The following STK24 variants were observed in gnomAD, a reference collection of about 807,000 sequenced individuals.
The protein encoded by STK24 is serine/threonine-protein kinase 24.
A neutral mutation model predicts 55.6 loss-of-function variants in STK24; 21 were observed. That is an observed-to-expected ratio of 0.38 (90% CI 0.27 to 0.54). The LOEUF is 0.54. STK24 is among the 20% of genes least tolerant of loss of function. STK24 has a pLI of 0.79. For synonymous variants in STK24, 200 were observed against 215.2 expected, an observed-to-expected ratio of 0.93 and a Z score of 0.62; for missense variants, 383 against 538.4, an observed-to-expected ratio of 0.71 and a Z score of 2.86.
Position 98,448,670 on chromosome 13 carries a change from T to TA in STK24, c.*4502dup, listed in dbSNP as rs765399186. ...AAGACAGGGCAAGTGTTTTTCTTCC[T>TA]AAAAAAAGTTCTTTCTTTTATTATT... On this transcript the variant is annotated 3_prime_UTR_variant, in exon 11 of 11. Coordinates refer to ENST00000539966, the MANE Select transcript of STK24 (RefSeq NM_001032296.4). The TA allele has an allele frequency of 1.0e-5, 2 of 191,108 alleles. No homozygotes were observed. The highest frequency in any genetic ancestry group is 1.3e-4 in the East Asian group (1 of 7,592). 11.8% of individuals were successfully genotyped at this position (191,108 alleles called of 1,614,324 possible). A position where few individuals can be genotyped will look rare whatever the true frequency, so the allele number is the denominator to read the frequency against.
chr13:98,539,337 A>C (rs1027258696), intron 1 of STK24, among the ~76,000 whole-genome samples: 1 of 152,136 alleles, frequency 6.6e-6, no homozygotes, highest in African/African-American at 2.4e-5. Flanking sequence ...TTGGCACCAT[A>C]ATCTGTCGTC....
chr13:98,542,943 A>C, intron 1 of STK24: 1 of 985,402 alleles, frequency 1.0e-6, no homozygotes, highest in South Asian at 4.7e-5. Flanking sequence ...TGTGGAGACG[A>C]TGGGACGGAG....
chr13:98,533,711 C>T (rs1304127850), intron 1 of STK24, among the ~76,000 whole-genome samples: 1 of 152,028 alleles, frequency 6.6e-6, no homozygotes, highest in Non-Finnish European at 1.5e-5. Context: ...ATGAGAAAAA[C>T]ACTACTATAC....
intron 1 of STK24, chr13:98,543,052 G>T: frequency 2.0e-6 from 2 of 985,280 alleles, no homozygotes; most frequent in Non-Finnish European, 2.4e-6. Flanking sequence ...GGGCTTACAG[G>T]TGCCAGCAAA....
At chr13:98,498,892 CTCTGTCTCCAGATTT>C (rs1266109142) in intron 2 of STK24, among the ~76,000 whole-genome samples, 2 of 152,218 alleles carry the variant, frequency 1.3e-5, no homozygotes, top group East Asian at 1.9e-4. Context: ...GTTCTGGTAA[CTCTGTCTCCAGATTT>C]TCTGTCTCCA....
Position 98,453,127 on chromosome 13 carries a change from G to T in STK24, c.*46C>A. 1 of 1,607,438 alleles carries T rather than the reference G, an allele frequency of 6.2e-7. No individual in the cohort carries two copies. The highest frequency in any genetic ancestry group is 8.5e-7 in the Non-Finnish European group (1 of 1,175,218). ...TTGACTTTTAAAAAAGGAGGAGGAT[G>T]AAGAAGGAAAAAAGGAAAAACAAAA... is the stretch of plus-strand genomic sequence containing the variant. On this transcript the variant is annotated 3_prime_UTR_variant, in exon 11 of 11. Transcript: ENST00000539966.
chr13:98,528,254 C>T (rs777738382), intron 1 of STK24, among the ~76,000 whole-genome samples: 4 of 152,168 alleles, frequency 2.6e-5, no homozygotes, highest in South Asian at 2.1e-4. Context: ...CCTTGCAAGG[C>T]GAAAACCTAA....
chr13:98,469,011 C>T (rs984562099), intron 5 of STK24, among the ~76,000 whole-genome samples: 1 of 152,260 alleles, frequency 6.6e-6, no homozygotes, highest in African/African-American at 2.4e-5. Context: ...AGAAGCCGAT[C>T]TCTGCTGAGA....
At chr13:98,568,884 T>A (rs9554480) in intron 1 of STK24, among the ~76,000 whole-genome samples, 41,520 of 151,306 alleles carry the variant, frequency 0.27, 6,277 homozygotes, top group East Asian at 0.41. Context: ...ACAAAAAAGA[T>A]AAAAGAATAT....
chr13:98,472,402 G>A (rs1894187272), intron 5 of STK24, among the ~76,000 whole-genome samples: 3 of 152,228 alleles, frequency 2.0e-5, no homozygotes, highest in Non-Finnish European at 4.4e-5. Context: ...GGCTCAGGCA[G>A]ACAGGACAGC....
At chr13:98,464,418 C>CA (rs909402560) in intron 6 of STK24, among the ~76,000 whole-genome samples, 4 of 142,694 alleles carry the variant, frequency 2.8e-5, no homozygotes, top group South Asian at 2.2e-4. Flanking sequence ...GACTCTGTCT[C>CA]AAAAAAAAGC....
rs144161346 is a variant in STK24, at chr13:98,571,912, C to A, written c.42+4833G>T. Among the ~76,000 whole-genome samples, 301 of 152,304 alleles carry A rather than the reference C, an allele frequency of 2.0e-3. 1 individual carries two copies. The highest frequency in any genetic ancestry group is 6.7e-3 in the African/African-American group (278 of 41,560). On this transcript the variant is annotated intron_variant, in intron 1 of 10. Coordinates refer to ENST00000539966, the MANE Select transcript of STK24 (RefSeq NM_001032296.4). ...GCTGCAATGCCTTCTAAAGGGGCAC[C>A]CAGCACTCCCCACACCTGAGAAAGC...
chr13:98,467,516 T>TC (rs1373155977), intron 5 of STK24, among the ~76,000 whole-genome samples: 1 of 151,944 alleles, frequency 6.6e-6, no homozygotes, highest in Non-Finnish European at 1.5e-5. Flanking sequence ...AACAGTCCTG[T>TC]CCCCAGTCTC....
At chr13:98,459,268 G>A (rs1189241083) in intron 9 of STK24, among the ~76,000 whole-genome samples, 1 of 152,236 alleles carries the variant, frequency 6.6e-6, no homozygotes, top group African/African-American at 2.4e-5. Flanking sequence ...CCAGAACCAT[G>A]AGCCAGGGCT....
intron 2 of STK24, among the ~76,000 whole-genome samples, chr13:98,503,041 T>TC (rs1555306355): frequency 4.0e-5 from 6 of 148,716 alleles, no homozygotes; most frequent in African/African-American, 7.7e-5. Flanking sequence ...TTTTTTTTTT[T>TC]CAGTATGGTA....
At chr13:98,489,460 C>T (rs902781745) in intron 2 of STK24, among the ~76,000 whole-genome samples, 4 of 152,240 alleles carry the variant, frequency 2.6e-5, no homozygotes, top group African/African-American at 9.6e-5. Flanking sequence ...TAACACATAA[C>T]ATACCTACTA....
rs563391891 is a variant in STK24 at position 98,522,520 on chromosome 13, C to G, written c.43-3047G>C. Among the ~76,000 whole-genome samples the G allele has an allele frequency of 2.0e-5, 3 of 152,322 alleles. No homozygotes were observed. The South Asian group carries it at 6.2e-4, about 32-fold the overall frequency. On this transcript the variant is annotated intron_variant, in intron 1 of 10. Transcript: ENST00000539966. Reference sequence around the variant, plus strand: ...CTCACGTACATGACAGCTTTCAAAGCGCTAGCTCAGGCCTTCCTTCTGAAC... The same window carrying G: ...CTCACGTACATGACAGCTTTCAAAGGGCTAGCTCAGGCCTTCCTTCTGAAC...
At position 98,540,842 on chromosome 13, in the gene STK24, G is replaced by A. The variant is rs753898794; in HGVS notation, c.43-21369C>T. ...AAAGCCCACCAAGAGTTTTGCCTAG[G>A]CCTTTCCTGGGCCTTAAAGCATGAC... On this transcript the variant is annotated intron_variant, in intron 1 of 10. Coordinates refer to ENST00000539966, the MANE Select transcript of STK24 (RefSeq NM_001032296.4). Among the ~76,000 whole-genome samples the A allele has an allele frequency of 4.3e-4, 64 of 150,210 alleles. 2 individuals carry two copies. Among genetic ancestry groups the A allele is most frequent in the East Asian group, 3.9e-4 (2 of 5,136 alleles).
In STK24 at chr13:98,446,403, C is replaced by T. The variant is rs1892837699; in HGVS notation, c.*6770G>A. 7 of 601,454 alleles carry T rather than the reference C, an allele frequency of 1.2e-5. No individual in the cohort carries two copies. Among genetic ancestry groups the T allele is most frequent in the African/African-American group, 5.6e-5 (3 of 53,810 alleles). 37.3% of individuals were successfully genotyped at this position (601,454 alleles called of 1,614,324 possible). A position where few individuals can be genotyped will look rare whatever the true frequency, so the allele number is the denominator to read the frequency against. ...ACTGACATTATCATCCACTGAAGGACAACTTCTGCCCTAGGAAGGGCCACC... is the reference window on the plus strand; with the variant it reads ...ACTGACATTATCATCCACTGAAGGATAACTTCTGCCCTAGGAAGGGCCACC... On this transcript the variant is annotated 3_prime_UTR_variant, in exon 11 of 11. Coordinates refer to ENST00000539966, the MANE Select transcript of STK24 (RefSeq NM_001032296.4).
Sources: gnomAD v4.1 joint callset for allele counts (sites outside exome capture counted in the v4.1 genomes callset) on GRCh38, gnomAD v4.1.1 for gene constraint, MANE v1.5 for transcripts, NCBI Gene and HGNC (gene_info 2026-07-23, HGNC 2026-07-21) for gene names.